Variants in DIP2B observed in about 807,000 individuals in gnomAD.
DIP2B encodes the protein disco-interacting protein 2 homolog B.
A neutral mutation model predicts 198.0 loss-of-function variants in DIP2B; 76 were observed. The ratio of observed to expected loss-of-function variants is 0.38; its 90% confidence interval spans 0.32 to 0.46. The LOEUF is 0.46. Among genes scored for constraint, DIP2B ranks in the 20% least tolerant of loss-of-function variants. The pLI, the probability that DIP2B is intolerant of heterozygous loss-of-function variation, is 0.99. For synonymous variants in DIP2B, 701 were observed against 739.1 expected (o/e 0.95, Z 0.84); for missense variants, 1,559 against 1,978.4 (o/e 0.79, Z 4.02).
At chr12:50,543,901 G>GCGA (rs990019661) in intron 1 of DIP2B, among the ~76,000 whole-genome samples, 2 of 139,368 alleles carry the variant, frequency 1.4e-5, no homozygotes, top group Non-Finnish European at 3.1e-5. Context: ...TCCAGTCTGG[G>GCGA]CGACAGAGTG....
chr12:50,661,387 A>G lies in DIP2B; in HGVS notation c.427+1068A>G, dbSNP rs17124849. On this transcript the variant is annotated intron_variant, in intron 4 of 37. Transcript: ENST00000301180. ...TTGTTGAGCTGTTCATACTGATCCT[A>G]TTCCCTGATCCAGATTAATATTAAT... Among the ~76,000 whole-genome samples, 444 of 152,158 alleles carry G rather than the reference A, an allele frequency of 2.9e-3. 5 individuals carry two copies. The highest frequency in any genetic ancestry group is 0.01 in the African/African-American group (421 of 41,526).
intron 1 of DIP2B, among the ~76,000 whole-genome samples, chr12:50,591,526 C>G (rs1457098504): frequency 6.6e-6 from 1 of 152,100 alleles, no homozygotes; most frequent in Non-Finnish European, 1.5e-5. Context: ...TATCCTTTGC[C>G]TCCTGGGCTC....
intron 23 of DIP2B, 116 bp from the exon 24 acceptor site, chr12:50,718,593 G>A (rs1939776776): frequency 1.1e-6 from 1 of 879,438 alleles, no homozygotes; most frequent in African/African-American, 1.7e-5. Context: ...CTAGAAGAGT[G>A]TTCAGGCAGT....
intron 1 of DIP2B, among the ~76,000 whole-genome samples, chr12:50,508,534 T>C (rs1237861011): frequency 6.6e-6 from 1 of 152,210 alleles, no homozygotes; most frequent in East Asian, 1.9e-4. Context: ...CCCCTTTCTT[T>C]TTTGTGGCTT....
At chr12:50,676,471 G>C (rs543702443) in intron 7 of DIP2B, among the ~76,000 whole-genome samples, 1 of 152,154 alleles carries the variant, frequency 6.6e-6, no homozygotes, top group African/African-American at 2.4e-5. Context: ...AATGGTGGAC[G>C]TCTTTCATGA....
intron 37 of DIP2B, among the ~76,000 whole-genome samples, chr12:50,742,563 G>C (rs1273184741): frequency 6.6e-6 from 1 of 151,998 alleles, no homozygotes; most frequent in Non-Finnish European, 1.5e-5. Context: ...CAGTTCTTTT[G>C]ATGGTTGCTC....
chr12:50,661,747 C>T (rs1565862423), intron 4 of DIP2B, among the ~76,000 whole-genome samples: 1 of 152,270 alleles, frequency 6.6e-6, no homozygotes, highest in East Asian at 1.9e-4. Flanking sequence ...GATTACACTG[C>T]AGTGTGGCTG....
rs1212838153 is a variant in DIP2B, at chr12:50,745,566, A to AT, written c.*729dup. On this transcript the variant is annotated 3_prime_UTR_variant, in exon 38 of 38. Coordinates refer to ENST00000301180, the MANE Select transcript of DIP2B (RefSeq NM_173602.3). ...AAATTGTTGGCAGGTTTTGCTGCACATTGTTCTATGTCTTTGTTGGCTGGT... is the reference window on the plus strand; with the variant it reads ...AAATTGTTGGCAGGTTTTGCTGCACATTTGTTCTATGTCTTTGTTGGCTGGT... The AT allele has an allele frequency of 6.6e-6, 1 of 152,528 alleles. No individual in the cohort carries two copies. The highest frequency in any genetic ancestry group is 1.5e-5 in the Non-Finnish European group (1 of 68,050). 9.4% of individuals were successfully genotyped at this position (152,528 alleles called of 1,614,324 possible).
At chr12:50,531,212 AT>A (rs372839758) in intron 1 of DIP2B, among the ~76,000 whole-genome samples, 3 of 151,334 alleles carry the variant, frequency 2.0e-5, no homozygotes, top group African/African-American at 4.9e-5. Flanking sequence ...CGCCTGGCTA[AT>A]TTTTTTTTGT....
At position 50,695,935 on chromosome 12, in the gene DIP2B, G is replaced by A. The variant is rs142942647; in HGVS notation, c.1901G>A (p.Arg634Gln). The A allele has an allele frequency of 3.1e-5, 50 of 1,614,060 alleles. No homozygotes were observed. In the African/African-American group the frequency reaches 3.3e-4, roughly 11 times the overall value. ...AGAGACGTGAGCTTGAGTTCCCTCC[G>A]AATGTTAATTGTGACTGATGGAGCT... ...DQRDVSLSSL[R>Q]MLIVTDGANP... Residue 634 changes from arginine to glutamine, a missense_variant, in exon 16 of 38, where the codon CGA becomes CAA. Coordinates refer to ENST00000301180, the MANE Select transcript of DIP2B (RefSeq NM_173602.3).
At chr12:50,682,895 T>C (rs931474800) in intron 9 of DIP2B, among the ~76,000 whole-genome samples, 8 of 152,134 alleles carry the variant, frequency 5.3e-5, no homozygotes, top group Admixed American at 2.0e-4. Context: ...AGTGAAAAAT[T>C]GTGATGAGGA....
chr12:50,682,789 C>G (rs1168131927), intron 9 of DIP2B, among the ~76,000 whole-genome samples: 3 of 152,022 alleles, frequency 2.0e-5, no homozygotes, highest in African/African-American at 7.3e-5. Context: ...ATTTTATTGC[C>G]TTAGCCCTAC....
At chr12:50,696,548 G>A (rs1224467840) in intron 16 of DIP2B, among the ~76,000 whole-genome samples, 1 of 152,100 alleles carries the variant, frequency 6.6e-6, no homozygotes, top group African/African-American at 2.4e-5. Flanking sequence ...TTCTCTACAA[G>A]CCCCCAAATC....
At chr12:50,667,821 C>T (rs1034005041) in intron 4 of DIP2B, among the ~76,000 whole-genome samples, 3 of 152,180 alleles carry the variant, frequency 2.0e-5, no homozygotes, top group African/African-American at 4.8e-5. Context: ...TAACCATTCT[C>T]CTGGGGATTA....
At chr12:50,729,239 TTCTC>T (rs982904735) in intron 30 of DIP2B, among the ~76,000 whole-genome samples, 2 of 152,160 alleles carry the variant, frequency 1.3e-5, no homozygotes, top group Non-Finnish European at 2.9e-5. Context: ...TCTCCTCCTG[TTCTC>T]TCTTTGTTAG....
intron 1 of DIP2B, among the ~76,000 whole-genome samples, chr12:50,621,549 C>A (rs1315878262): frequency 6.6e-6 from 1 of 152,210 alleles, no homozygotes. Flanking sequence ...TTGTGCCAGG[C>A]TGTGGGTGGG....
intron 3 of DIP2B, among the ~76,000 whole-genome samples, chr12:50,647,279 C>A (rs12231309): frequency 1.3e-5 from 2 of 151,754 alleles, no homozygotes; most frequent in Non-Finnish European, 2.9e-5. Context: ...TTTTCTCCCC[C>A]CCGCCCAAAA....
chr12:50,541,672 G>T (rs142977452), intron 1 of DIP2B, among the ~76,000 whole-genome samples: 71 of 152,202 alleles, frequency 4.7e-4, no homozygotes, highest in African/African-American at 1.7e-3. Context: ...GTATATGAAA[G>T]AAAGTAACAC....
At chr12:50,722,253 GTTTATTTTAT>G (rs147287033) in intron 26 of DIP2B, among the ~76,000 whole-genome samples, 7,548 of 143,118 alleles carry the variant, frequency 0.053, 250 homozygotes, top group African/African-American at 0.081. Context: ...TTGTTTGTTT[GTTTATTTTAT>G]TTTATTTTAT....
Sources: gnomAD v4.1 joint callset for allele counts (sites outside exome capture counted in the v4.1 genomes callset) on GRCh38, gnomAD v4.1.1 for gene constraint, MANE v1.5 for transcripts, NCBI Gene and HGNC (gene_info 2026-07-23, HGNC 2026-07-21) for gene names.